The following FALEC variants were observed in gnomAD, a reference collection of about 807,000 sequenced individuals.
FALEC encodes the protein focally amplified lncRNA on chromosome 1.
chr1:150,534,002 G>A, the FALEC span, among the ~76,000 whole-genome samples: 1 of 152,150 alleles, frequency 6.6e-6, no homozygotes, highest in Non-Finnish European at 1.5e-5. Context: ...TGTGGACAAG[G>A]ATGGCGTGGG....
chr1:150,536,529 C>T, the FALEC span, among the ~76,000 whole-genome samples: 4 of 152,144 alleles, frequency 2.6e-5, no homozygotes, highest in East Asian at 3.8e-4. Context: ...CAGTGGCTCA[C>T]GCCTATCTTC....
the FALEC span, among the ~76,000 whole-genome samples, chr1:150,536,039 A>C: frequency 6.6e-6 from 1 of 152,224 alleles, no homozygotes; most frequent in Non-Finnish European, 1.5e-5. Flanking sequence ...CTGAAAAGTT[A>C]ATAACATAAG....
the FALEC span, among the ~76,000 whole-genome samples, chr1:150,533,775 C>T: frequency 6.6e-6 from 1 of 152,064 alleles, no homozygotes; most frequent in Non-Finnish European, 1.5e-5. Flanking sequence ...ACTAAGAACC[C>T]AGAGCTTTTA....
At chr1:150,525,864 A>C in the FALEC span, among the ~76,000 whole-genome samples, 1 of 151,982 alleles carries the variant, frequency 6.6e-6, no homozygotes, top group African/African-American at 2.4e-5. Context: ...GCTGGTGTCA[A>C]CTCCTGGCTT....
chr1:150,516,423 C>T (rs1670570628), intron 1 of FALEC, among the ~76,000 whole-genome samples: 1 of 152,144 alleles, frequency 6.6e-6, no homozygotes, highest in South Asian at 2.1e-4. Context: ...AGGAAGGGAA[C>T]CCGGAGAGCA....
the FALEC span, among the ~76,000 whole-genome samples, chr1:150,534,592 C>G: frequency 6.6e-6 from 1 of 152,042 alleles, no homozygotes; most frequent in Non-Finnish European, 1.5e-5. Flanking sequence ...GCCTGTAATC[C>G]CAGCACTTTG....
chr1:150,529,263 C>T, the FALEC span, among the ~76,000 whole-genome samples: 1 of 152,140 alleles, frequency 6.6e-6, no homozygotes, highest in Admixed American at 6.5e-5. Context: ...GATTAGAAAC[C>T]ATACGTGTGC....
At chr1:150,528,707 G>A in the FALEC span, among the ~76,000 whole-genome samples, 4 of 151,042 alleles carry the variant, frequency 2.6e-5, no homozygotes, top group Admixed American at 6.6e-5. Flanking sequence ...TCAGCCTCCC[G>A]AGTAGTAACT....
chr1:150,535,983 A>G, the FALEC span, among the ~76,000 whole-genome samples: 1 of 152,210 alleles, frequency 6.6e-6, no homozygotes, highest in African/African-American at 2.4e-5. Context: ...GGGGAAACCA[A>G]GATATGTAAG....
the FALEC span, among the ~76,000 whole-genome samples, chr1:150,527,641 C>G: frequency 6.6e-6 from 1 of 152,064 alleles, no homozygotes; most frequent in Admixed American, 6.6e-5. Context: ...GAATTTGAGA[C>G]CCACCTGGCC....
chr1:150,519,804 T>C (rs1670615747), downstream of FALEC, among the ~76,000 whole-genome samples: 2 of 150,764 alleles, frequency 1.3e-5, no homozygotes, highest in African/African-American at 4.9e-5. Flanking sequence ...AGGCAGAAGT[T>C]GGAGTGAGCC....
At chr1:150,534,032 C>T in the FALEC span, among the ~76,000 whole-genome samples, 2 of 152,194 alleles carry the variant, frequency 1.3e-5, no homozygotes, top group Non-Finnish European at 2.9e-5. Context: ...GCTGAAGTCT[C>T]GGCATGGCAG....
the FALEC span, among the ~76,000 whole-genome samples, chr1:150,527,970 C>T: frequency 4.6e-3 from 703 of 152,252 alleles, 3 homozygotes; most frequent in Non-Finnish European, 7.5e-3. Flanking sequence ...AGTGAGGCAT[C>T]CAATAGGCAG....
chr1:150,517,013 A>T (rs1488091128), intron 1 of FALEC, among the ~76,000 whole-genome samples: 1 of 152,102 alleles, frequency 6.6e-6, no homozygotes, highest in Admixed American at 6.6e-5. Flanking sequence ...ATTTAAATAT[A>T]CCTAGCCAGG....
chr1:150,517,135 T>C (rs1670578673), intron 1 of FALEC, among the ~76,000 whole-genome samples: 1 of 151,904 alleles, frequency 6.6e-6, no homozygotes, highest in African/African-American at 2.4e-5. Flanking sequence ...CCGTCCCTAC[T>C]AAAAATACAA....
chr1:150,522,579 C>T (rs916096218), downstream of FALEC, among the ~76,000 whole-genome samples: 5 of 150,092 alleles, frequency 3.3e-5, no homozygotes, highest in Admixed American at 2.0e-4. Flanking sequence ...GCCAAGATGG[C>T]GCCACTGCAC....
At chr1:150,534,329 C>T in the FALEC span, among the ~76,000 whole-genome samples, 10 of 152,328 alleles carry the variant, frequency 6.6e-5, no homozygotes, top group South Asian at 1.4e-3. Context: ...AAGCCGCTGT[C>T]GTCCTCTGAG....
the FALEC span, among the ~76,000 whole-genome samples, chr1:150,527,233 G>T: frequency 1.3e-5 from 2 of 151,640 alleles, no homozygotes; most frequent in African/African-American, 4.8e-5. Context: ...GAGCCACCAC[G>T]CCTGGCCTAT....
chr1:150,534,570 A>G, the FALEC span, among the ~76,000 whole-genome samples: 21 of 152,240 alleles, frequency 1.4e-4, no homozygotes, highest in South Asian at 2.1e-3. Flanking sequence ...CTAGCCTGGC[A>G]CAGTGGCTCA....
Sources: gnomAD v4.1 joint callset for allele counts (sites outside exome capture counted in the v4.1 genomes callset) on GRCh38, gnomAD v4.1.1 for gene constraint, MANE v1.5 for transcripts, NCBI Gene and HGNC (gene_info 2026-07-23, HGNC 2026-07-21) for gene names.